Variants in UBR3 observed in about 807,000 individuals in gnomAD.
UBR3 encodes ubiquitin protein ligase E3 component n-recognin 3, also known as E3 ubiquitin-protein ligase UBR3.
Under a neutral mutation model 243.2 loss-of-function variants are expected in UBR3, and 85 were observed. The ratio of observed to expected loss-of-function variants is 0.35; its 90% CI spans 0.29 to 0.42. UBR3 has a LOEUF of 0.42. UBR3 is among the 10% of genes least tolerant of loss of function. UBR3 has a pLI of 1.00. For synonymous variants in UBR3, 748 were observed against 799.8 expected, an observed-to-expected ratio of 0.94 and a Z score of 1.09; for missense variants, 1,686 against 2,300.8, an observed-to-expected ratio of 0.73 and a Z score of 5.47.
chr2:169,959,654 C>T (rs1020633824), intron 24 of UBR3, among the ~76,000 whole-genome samples: 1 of 152,012 alleles, frequency 6.6e-6, no homozygotes. Context: ...GATGACATCC[C>T]ATGATCAGCC....
chr2:169,987,238 T>C (rs761311871), intron 25 of UBR3, among the ~76,000 whole-genome samples: 2 of 151,456 alleles, frequency 1.3e-5, no homozygotes, highest in African/African-American at 2.4e-5. Context: ...ACTAAAAATA[T>C]AAAATATTGG....
rs148415610 is a variant in UBR3 at position 169,997,953 on chromosome 2, A to G, written c.3919-3351A>G. Among the ~76,000 whole-genome samples the G allele has an allele frequency of 6.0e-3, 919 of 152,198 alleles. 11 individuals carry two copies. Among genetic ancestry groups the G allele is most frequent in the Middle Eastern group, 0.024 (7 of 292 alleles). ...ACTGCAGCTCGGTTTTCAGGCTTTA[A>G]ATTGTCTGTGGTTTGGAGGTTGGGT... On this transcript the variant is annotated intron_variant, in intron 26 of 38. Coordinates refer to ENST00000272793, the MANE Select transcript of UBR3 (RefSeq NM_172070.4).
intron 5 of UBR3, among the ~76,000 whole-genome samples, chr2:169,884,404 T>A (rs920645425): frequency 7.9e-5 from 12 of 152,182 alleles, no homozygotes; most frequent in African/African-American, 2.9e-4. Flanking sequence ...TGCCCTGGCC[T>A]CCCAAACTGC....
At chr2:169,852,153 AC>A in intron 1 of UBR3, among the ~76,000 whole-genome samples, 1 of 152,294 alleles carries the variant, frequency 6.6e-6, no homozygotes, top group Middle Eastern at 3.4e-3. Flanking sequence ...GTCATTTACT[AC>A]CAACTCTTCA....
chr2:169,973,628 A>G (rs981356118), intron 24 of UBR3, among the ~76,000 whole-genome samples: 2 of 152,196 alleles, frequency 1.3e-5, no homozygotes, highest in South Asian at 4.1e-4. Flanking sequence ...TTCTATATGT[A>G]AAGTCAAGTC....
Position 170,008,996 on chromosome 2 carries a change from T to C in UBR3, c.4367+56T>C, listed in dbSNP as rs545040676. ...TACTTACTATTAATAGTTGATTTTA[T>C]TATTTAATAAATATTTGTTTTATTT... On this transcript the variant is annotated intron_variant, in intron 29 of 38. Transcript: ENST00000272793. 188 of 1,116,908 alleles carry C rather than the reference T, an allele frequency of 1.7e-4. 1 individual carries two copies. Among genetic ancestry groups the C allele is most frequent in the Non-Finnish European group, 2.0e-4 (166 of 825,096 alleles). The allele number at this position is 1,116,908 out of a possible 1,614,324, so 69.2% of individuals were successfully genotyped here. A position where few individuals can be genotyped will look rare whatever the true frequency, so the allele number is the denominator to read the frequency against.
chr2:170,069,657 C>T (rs2091654228), intron 35 of UBR3, among the ~76,000 whole-genome samples: 1 of 152,058 alleles, frequency 6.6e-6, no homozygotes, highest in Admixed American at 6.6e-5. Context: ...AGTGTGAGAT[C>T]ATGCAGTATT....
chr2:170,046,101 G>C (rs987412834), intron 32 of UBR3, among the ~76,000 whole-genome samples: 1 of 151,644 alleles, frequency 6.6e-6, no homozygotes, highest in Admixed American at 6.6e-5. Flanking sequence ...CAAGTAGCTA[G>C]GATTACAGGC....
At chr2:170,039,265 A>G (rs999507909) in intron 31 of UBR3, among the ~76,000 whole-genome samples, 2 of 152,180 alleles carry the variant, frequency 1.3e-5, no homozygotes, top group African/African-American at 4.8e-5. Flanking sequence ...AAGTCAAGTC[A>G]AGGGTCTGTA....
chr2:169,982,414 AT>A (rs945774432), intron 24 of UBR3, among the ~76,000 whole-genome samples: 10 of 152,066 alleles, frequency 6.6e-5, no homozygotes, highest in African/African-American at 2.2e-4. Context: ...GGCAAAGGCT[AT>A]TTTGTAATTA....
intron 29 of UBR3, among the ~76,000 whole-genome samples, chr2:170,011,329 C>T (rs981257500): frequency 6.6e-6 from 1 of 152,042 alleles, no homozygotes; most frequent in African/African-American, 2.4e-5. Context: ...TAACATATAA[C>T]ATTCCTAAAA....
intron 11 of UBR3, among the ~76,000 whole-genome samples, chr2:169,915,535 C>T (rs1339789042): frequency 1.3e-5 from 2 of 152,096 alleles, no homozygotes; most frequent in African/African-American, 2.4e-5. Context: ...TGCTCCTGGC[C>T]AGGACAGTGA....
chr2:169,984,640 C>T (rs1299190885), intron 24 of UBR3, among the ~76,000 whole-genome samples: 1 of 152,038 alleles, frequency 6.6e-6, no homozygotes, highest in Non-Finnish European at 1.5e-5. Flanking sequence ...TTAAATCTTA[C>T]TAAAAATGTC....
chr2:169,905,259 A>G lies in UBR3; in HGVS notation c.1611A>G (p.Leu537=). The G allele has an allele frequency of 6.5e-7, 1 of 1,542,266 alleles. No homozygotes were observed. The highest frequency in any genetic ancestry group is 2.0e-5 in the Admixed American group (1 of 49,450). The change falls in exon 9 of 39, where the codon TTA becomes TTG. Residue 537 remains leucine (L), a synonymous_variant. Coordinates refer to ENST00000272793, the MANE Select transcript of UBR3 (RefSeq NM_172070.4). ...AKRFLEDHGL[L]VTWMNFVSFF... ...GATTTTTGGAGGATCACGGTTTGTT[A>G]GTTACATGGATGAACTTTGTATCTT... is the stretch of plus-strand genomic sequence containing the variant.
At chr2:169,884,427 C>A (rs1275925101) in intron 5 of UBR3, among the ~76,000 whole-genome samples, 1 of 152,184 alleles carries the variant, frequency 6.6e-6, no homozygotes, top group African/African-American at 2.4e-5. Flanking sequence ...GGTTTACAGG[C>A]GTGAGCCATG....
At chr2:169,908,821 CT>C (rs11388865) in intron 10 of UBR3, among the ~76,000 whole-genome samples, 6,883 of 123,896 alleles carry the variant, frequency 0.056, 112 homozygotes, top group Non-Finnish European at 0.062. Context: ...GTGATTGGTC[CT>C]TTTTTTTTTT....
chr2:169,878,328 T>C (rs751532380), intron 4 of UBR3, among the ~76,000 whole-genome samples, 197 bp from the exon 5 acceptor site: 4 of 147,132 alleles, frequency 2.7e-5, no homozygotes, highest in Non-Finnish European at 4.5e-5. Flanking sequence ...GCCACTGCAC[T>C]CCAGCCTGAG....
intron 11 of UBR3, among the ~76,000 whole-genome samples, chr2:169,918,428 C>G (rs1270748881): frequency 6.6e-6 from 1 of 151,308 alleles, no homozygotes; most frequent in African/African-American, 2.4e-5. Flanking sequence ...AGTTCTTCTT[C>G]CATCCTTGTG....
intron 1 of UBR3, among the ~76,000 whole-genome samples, chr2:169,836,061 ATATATATTTTTT>A (rs1487509130): frequency 8.5e-4 from 29 of 33,990 alleles, no homozygotes; most frequent in African/African-American, 2.3e-3. Context: ...ATATATATAT[ATATATATTTTTT>A]TTTTTTTTTT....
Sources: allele counts gnomAD v4.1 joint callset (sites outside exome capture counted in the v4.1 genomes callset), GRCh38; gene constraint gnomAD v4.1.1; transcripts MANE v1.5; gene names NCBI Gene and HGNC (gene_info 2026-07-23, HGNC 2026-07-21).